Variants in ADAMTSL3 observed in about 807,000 individuals in gnomAD.
ADAMTSL3 encodes the protein ADAMTS like 3, also known as ADAMTS-like protein 3.
Under a neutral mutation model 201.7 loss-of-function variants are expected in ADAMTSL3, and 128 were observed. The observed-to-expected ratio is 0.63, with a 90% confidence interval of 0.55 to 0.73. The LOEUF (loss-of-function observed/expected upper bound fraction) is 0.73. Among genes scored for constraint, ADAMTSL3 ranks in the 30% least tolerant of loss-of-function variants. The probability of loss-of-function intolerance (pLI) is 0.00; values close to 1 mark genes in which losing one functional copy is unlikely to be tolerated. For synonymous variants in ADAMTSL3, 738 were observed against 748.4 expected (o/e 0.99, Z 0.23); for missense variants, 1,990 against 2,119.6 (o/e 0.94, Z 1.20).
intron 23 of ADAMTSL3, among the ~76,000 whole-genome samples, chr15:84,010,004 A>G (rs1318002014): frequency 6.6e-6 from 1 of 152,230 alleles, no homozygotes; most frequent in Non-Finnish European, 1.5e-5. Flanking sequence ...GTCTTGAGAA[A>G]ACCTCACTAA....
rs1278092884 is a variant in ADAMTSL3, at chr15:83,844,900, C to T, written c.727+6685C>T. Among the ~76,000 whole-genome samples, 11 of 152,292 alleles carry T rather than the reference C, an allele frequency of 7.2e-5. No homozygotes were observed. In the East Asian group the frequency reaches 1.5e-3, roughly 21 times the overall value. ...ATCACCTTACACCTATGATGAAATCCGCGTCCCTCTCCAAAGCCTTTAAAG... is the reference window on the plus strand; with the variant it reads ...ATCACCTTACACCTATGATGAAATCTGCGTCCCTCTCCAAAGCCTTTAAAG... On this transcript the variant is annotated intron_variant, in intron 7 of 29. Coordinates refer to ENST00000286744, the MANE Select transcript of ADAMTSL3 (RefSeq NM_207517.3).
At chr15:83,937,112 A>C (rs995452772) in intron 17 of ADAMTSL3, among the ~76,000 whole-genome samples, 3 of 150,956 alleles carry the variant, frequency 2.0e-5, no homozygotes. Flanking sequence ...GCAATTTCTC[A>C]AAGAACTTAA....
chr15:83,765,728 C>G (rs2062878755), intron 3 of ADAMTSL3, among the ~76,000 whole-genome samples: 1 of 152,016 alleles, frequency 6.6e-6, no homozygotes, highest in South Asian at 2.1e-4. Flanking sequence ...CCAAAATATT[C>G]CCTAGCTAGA....
rs1013311866 is a variant in ADAMTSL3, at chr15:83,773,303, G to A, written c.190-220G>A. 3.9e-5 allele frequency among the ~76,000 whole-genome samples: 6 copies of A among 152,050 alleles called. 1 individual carries two copies. In the South Asian group the frequency reaches 1.2e-3, roughly 32 times the overall value. On this transcript the variant is annotated intron_variant, in intron 3 of 29. Coordinates refer to ENST00000286744, the MANE Select transcript of ADAMTSL3 (RefSeq NM_207517.3). ...GGCGCCTGTAATCCCAGCTACTCAG[G>A]AGGCTGAGGCAGGAGAATTGCTTGA...
intron 4 of ADAMTSL3, among the ~76,000 whole-genome samples, chr15:83,798,341 C>A (rs1208545411): frequency 6.6e-6 from 1 of 152,154 alleles, no homozygotes; most frequent in Admixed American, 6.5e-5. Flanking sequence ...TAGAAAACAT[C>A]CTAAATCAAA....
At chr15:83,948,210 T>G (rs2066692521) in intron 19 of ADAMTSL3, among the ~76,000 whole-genome samples, 1 of 152,162 alleles carries the variant, frequency 6.6e-6, no homozygotes, top group African/African-American at 2.4e-5. Flanking sequence ...GGAAGTAGTG[T>G]GTTGAAGTCA....
chr15:83,811,993 A>T (rs961713707), intron 5 of ADAMTSL3, among the ~76,000 whole-genome samples: 9 of 152,172 alleles, frequency 5.9e-5, no homozygotes, highest in Non-Finnish European at 1.3e-4. Context: ...CAGTGTTGAT[A>T]ATCTGTAAGA....
chr15:83,809,256 T>C (rs1193752324), intron 5 of ADAMTSL3, among the ~76,000 whole-genome samples: 1 of 152,172 alleles, frequency 6.6e-6, no homozygotes, highest in African/African-American at 2.4e-5. Context: ...CCCATAAATA[T>C]GTGCAATTTG....
At chr15:83,966,771 G>A (rs1470999216) in intron 19 of ADAMTSL3, among the ~76,000 whole-genome samples, 1 of 152,028 alleles carries the variant, frequency 6.6e-6, no homozygotes, top group African/African-American at 2.4e-5. Context: ...ACATCAATGC[G>A]AAAATCTTCA....
At chr15:83,787,687 A>ATG (rs566533815) in intron 4 of ADAMTSL3, among the ~76,000 whole-genome samples, 232 of 152,218 alleles carry the variant, frequency 1.5e-3, no homozygotes, top group African/African-American at 5.0e-3. Flanking sequence ...TTTTATCCAC[A>ATG]TTTCTAAATA....
intron 19 of ADAMTSL3, among the ~76,000 whole-genome samples, chr15:83,945,291 C>T (rs1044168120): frequency 1.3e-4 from 20 of 152,110 alleles, no homozygotes; most frequent in Admixed American, 1.2e-3. Flanking sequence ...AGGAGTCCCT[C>T]CTGCAGTCAG....
At position 83,655,743 on chromosome 15, in the gene ADAMTSL3, C is replaced by G. The variant is rs372275801; in HGVS notation, c.-19C>G. 1 of 1,613,582 alleles carries G rather than the reference C, an allele frequency of 6.2e-7. No homozygotes were observed. Among genetic ancestry groups the G allele is most frequent in the Non-Finnish European group, 8.5e-7 (1 of 1,179,722 alleles). ...CTCGTTTGTAGGCTACAACTGAGACCCGGAGGAGACTAGACCCCATGGCTT... is the reference window on the plus strand; with the variant it reads ...CTCGTTTGTAGGCTACAACTGAGACGCGGAGGAGACTAGACCCCATGGCTT... On this transcript the variant is annotated 5_prime_UTR_variant, in exon 2 of 30. Transcript: ENST00000286744.
intron 29 of ADAMTSL3, 68 bp downstream of exon 29, chr15:84,037,055 A>T: frequency 6.7e-7 from 1 of 1,496,832 alleles, no homozygotes; most frequent in Non-Finnish European, 9.2e-7. Flanking sequence ...TGATGCTACC[A>T]TCACGGCACC....
At chr15:83,969,900 T>TAAACA (rs1166438339) in intron 19 of ADAMTSL3, among the ~76,000 whole-genome samples, 4 of 152,140 alleles carry the variant, frequency 2.6e-5, no homozygotes, top group African/African-American at 7.2e-5. Context: ...TAGTCATAAA[T>TAAACA]AAACAAAACA....
intron 3 of ADAMTSL3, among the ~76,000 whole-genome samples, chr15:83,761,246 T>G (rs1401546314): frequency 1.3e-5 from 2 of 152,158 alleles, no homozygotes; most frequent in Non-Finnish European, 2.9e-5. Flanking sequence ...TTAGGATACT[T>G]TAAGGCCATT....
At position 83,761,389 on chromosome 15, in the gene ADAMTSL3, C is replaced by T. The variant is rs572126730; in HGVS notation, c.190-12134C>T. Reference sequence around the variant, plus strand: ...TTTTAATTTACCTACGTTTACCATTCTTATTTTTGCTCTTCATTTCTTTCA... The same window carrying T: ...TTTTAATTTACCTACGTTTACCATTTTTATTTTTGCTCTTCATTTCTTTCA... On this transcript the variant is annotated intron_variant, in intron 3 of 29. Coordinates refer to ENST00000286744, the MANE Select transcript of ADAMTSL3 (RefSeq NM_207517.3). Among the ~76,000 whole-genome samples the T allele has an allele frequency of 2.0e-5, 3 of 152,232 alleles. No homozygotes were observed. In the South Asian group the frequency reaches 6.2e-4, roughly 32 times the overall value.
At chr15:83,762,715 A>G (rs995049648) in intron 3 of ADAMTSL3, among the ~76,000 whole-genome samples, 4 of 152,284 alleles carry the variant, frequency 2.6e-5, no homozygotes, top group African/African-American at 9.6e-5. Context: ...TCAACTTGCA[A>G]CATATAAATT....
At chr15:83,983,437 A>C in intron 21 of ADAMTSL3, 93 bp downstream of exon 21, 1 of 965,778 alleles carries the variant, frequency 1.0e-6, no homozygotes, top group South Asian at 2.1e-5. Context: ...TCCTCTCCTA[A>C]GCATGTGTTT....
At chr15:84,006,526 A>G (rs1166139593) in intron 23 of ADAMTSL3, among the ~76,000 whole-genome samples, 1 of 152,156 alleles carries the variant, frequency 6.6e-6, no homozygotes, top group Admixed American at 6.5e-5. Context: ...CCCGAGGTGC[A>G]AACTTTTTGC....
Sources: allele counts gnomAD v4.1 joint callset (sites outside exome capture counted in the v4.1 genomes callset), GRCh38; gene constraint gnomAD v4.1.1; transcripts MANE v1.5; gene names NCBI Gene and HGNC (gene_info 2026-07-23, HGNC 2026-07-21).